The following GALNT11 variants were observed in gnomAD, a reference collection of about 807,000 sequenced individuals.
The protein encoded by GALNT11 is UDP-GalNAc:polypeptide N-acetylgalactosaminyltransferase 11.
In GALNT11, 47 loss-of-function variants were observed where a neutral mutation model predicts 72.7. That is an observed-to-expected ratio of 0.65 (90% CI 0.51 to 0.82). GALNT11 has a LOEUF of 0.82. Ranked by LOEUF, GALNT11 falls within the 40% of genes least tolerant of loss-of-function variation. The pLI is 0.00. For synonymous variants in GALNT11, 270 were observed against 286.6 expected, an observed-to-expected ratio of 0.94 and a Z score of 0.58; for missense variants, 677 against 778.4, an observed-to-expected ratio of 0.87 and a Z score of 1.55.
chr7:152,089,022 C>G (rs1472069211), intron 1 of GALNT11, among the ~76,000 whole-genome samples: 1 of 152,136 alleles, frequency 6.6e-6, no homozygotes, highest in African/African-American at 2.4e-5. Context: ...GCATTGCAGT[C>G]AAGAAAGAAC....
At chr7:152,032,140 A>G (rs899541186) in intron 1 of GALNT11, among the ~76,000 whole-genome samples, 2 of 152,220 alleles carry the variant, frequency 1.3e-5, no homozygotes, top group Admixed American at 6.5e-5. Context: ...CCGAACTGGT[A>G]GCCAAAAGTA....
At chr7:152,105,701 TTA>T (rs1446510353) in intron 5 of GALNT11, among the ~76,000 whole-genome samples, 1 of 152,240 alleles carries the variant, frequency 6.6e-6, no homozygotes, top group African/African-American at 2.4e-5. Flanking sequence ...AACTGAATTT[TTA>T]TGTTTTTAAA....
At chr7:152,047,103 G>A (rs545089961) in intron 1 of GALNT11, among the ~76,000 whole-genome samples, 2 of 152,314 alleles carry the variant, frequency 1.3e-5, no homozygotes, top group South Asian at 4.1e-4. Flanking sequence ...TTGGCCAGGT[G>A]CAGTGGCTCA....
chr7:152,028,168 C>T (rs1433988923), intron 1 of GALNT11, among the ~76,000 whole-genome samples: 2 of 152,218 alleles, frequency 1.3e-5, no homozygotes, highest in East Asian at 3.8e-4. Flanking sequence ...GGGACCCGAG[C>T]AGGTTGCCGC....
At chr7:152,112,614 T>G (rs552639065) in intron 7 of GALNT11, among the ~76,000 whole-genome samples, 1 of 152,130 alleles carries the variant, frequency 6.6e-6, no homozygotes, top group Non-Finnish European at 1.5e-5. Context: ...GTAATAGATT[T>G]TATTATGCTT....
At chr7:152,037,941 G>T (rs1156653816) in intron 1 of GALNT11, among the ~76,000 whole-genome samples, 1 of 151,920 alleles carries the variant, frequency 6.6e-6, no homozygotes, top group East Asian at 1.9e-4. Flanking sequence ...GCTAATTTTT[G>T]TAATTTTAGT....
chr7:152,072,314 C>CAAAAAAA (rs754741694), intron 1 of GALNT11, among the ~76,000 whole-genome samples: 5 of 62,188 alleles, frequency 8.0e-5, no homozygotes, highest in Admixed American at 1.8e-4. Context: ...GACTCCGTCT[C>CAAAAAAA]AAAAAAAAAA....
At chr7:152,035,637 G>A (rs2082536685) in intron 1 of GALNT11, among the ~76,000 whole-genome samples, 1 of 152,338 alleles carries the variant, frequency 6.6e-6, no homozygotes, top group Admixed American at 6.5e-5. Flanking sequence ...AGAGTCAGGG[G>A]TTGTTAGAGA....
chr7:152,101,634 C>CTT (rs145722687), intron 3 of GALNT11, among the ~76,000 whole-genome samples: 15 of 107,994 alleles, frequency 1.4e-4, no homozygotes, highest in African/African-American at 5.2e-4. Context: ...AAGTTCATGG[C>CTT]TTTTTTTTGG....
chr7:152,034,157 T>G lies in GALNT11; in HGVS notation c.-39+8273T>G, dbSNP rs533138871. Reference sequence around the variant, plus strand: ...GGGGTTTTTGTGGTTCTTTGGAGATTTCTTTGCTTATTTCCTTCTGGGCAG... The same window carrying G: ...GGGGTTTTTGTGGTTCTTTGGAGATGTCTTTGCTTATTTCCTTCTGGGCAG... On this transcript the variant is annotated intron_variant, in intron 1 of 11. Coordinates refer to ENST00000430044, the MANE Select transcript of GALNT11 (RefSeq NM_022087.4). 2.0e-5 allele frequency among the ~76,000 whole-genome samples: 3 copies of G among 152,272 alleles called. No individual in the cohort carries two copies. The South Asian group carries it at 6.2e-4, about 32-fold the overall frequency.
intron 1 of GALNT11, among the ~76,000 whole-genome samples, chr7:152,026,211 T>C (rs2082005744): frequency 6.6e-6 from 1 of 152,188 alleles, no homozygotes; most frequent in Non-Finnish European, 1.5e-5. Flanking sequence ...GAAGTCCAGA[T>C]CAGTATTGTC....
intron 2 of GALNT11, among the ~76,000 whole-genome samples, chr7:152,097,920 A>G (rs2086500621): frequency 6.6e-6 from 1 of 152,224 alleles, no homozygotes; most frequent in Non-Finnish European, 1.5e-5. Flanking sequence ...TTCTGCAGCT[A>G]GATAATCATG....
chr7:152,092,318 T>C (rs1464011525), intron 1 of GALNT11, among the ~76,000 whole-genome samples: 3 of 152,232 alleles, frequency 2.0e-5, no homozygotes, highest in Non-Finnish European at 4.4e-5. Context: ...TTTCATTTGC[T>C]CTCATGGGCT....
intron 1 of GALNT11, among the ~76,000 whole-genome samples, chr7:152,045,890 A>G (rs1165884858): frequency 2.0e-5 from 3 of 151,586 alleles, no homozygotes; most frequent in Non-Finnish European, 4.4e-5. Context: ...TAGGTGGTTT[A>G]TTTGGAGTTT....
rs554081059 is a variant in GALNT11 at position 152,032,998 on chromosome 7, G to C, written c.-39+7114G>C. 3.9e-5 allele frequency among the ~76,000 whole-genome samples: 6 copies of C among 152,356 alleles called. No individual in the cohort carries two copies. In the East Asian group the frequency reaches 9.6e-4, roughly 24 times the overall value. On this transcript the variant is annotated intron_variant, in intron 1 of 11. Coordinates refer to ENST00000430044, the MANE Select transcript of GALNT11 (RefSeq NM_022087.4). The stretch of plus-strand genomic sequence containing the variant: ...GTCCGGGACAGGAGATTAACACTGA[G>C]AAGGCCACGCCAGTGTCCAGGAGGA...
intron 1 of GALNT11, among the ~76,000 whole-genome samples, chr7:152,047,716 A>G (rs769063202): frequency 6.7e-6 from 1 of 148,462 alleles, no homozygotes; most frequent in Non-Finnish European, 1.5e-5. Context: ...GTGTGCGCAC[A>G]CACACAAGTA....
rs1252917533 is a variant in GALNT11, at chr7:152,108,286, A to C, written c.961A>C (p.Lys321Gln). 1 of 1,601,028 alleles carries C rather than the reference A, an allele frequency of 6.2e-7. No individual in the cohort carries two copies. The highest frequency in any genetic ancestry group is 1.3e-5 in the African/African-American group (1 of 74,798). Residue 321 changes from lysine to glutamine, a missense_variant and splice_region_variant, in exon 6 of 12, where the codon AAG (lysine) becomes CAG (glutamine). Coordinates refer to ENST00000430044, the MANE Select transcript of GALNT11 (RefSeq NM_022087.4). ...GRAEGATAPI[K>Q]SPTMAGGLFA... ...AGCGGAGGGAGCCACTGCACCAATA[A>C]AGTAAGATCGCTCCTTTGTTTGACA...
intron 1 of GALNT11, among the ~76,000 whole-genome samples, chr7:152,037,923 C>G (rs1369970469): frequency 6.6e-6 from 1 of 152,004 alleles, no homozygotes; most frequent in African/African-American, 2.4e-5. Context: ...TGCCCACCAC[C>G]ACACCCGGCT....
intron 11 of GALNT11, among the ~76,000 whole-genome samples, 179 bp from the exon 12 acceptor site, chr7:152,121,367 C>T (rs576643220): frequency 7.2e-5 from 11 of 152,288 alleles, no homozygotes; most frequent in Admixed American, 2.6e-4. Context: ...ATTGTGATTG[C>T]GGTCAGAAAA....
Sources: gnomAD v4.1 joint callset for allele counts (sites outside exome capture counted in the v4.1 genomes callset) on GRCh38, gnomAD v4.1.1 for gene constraint, MANE v1.5 for transcripts, NCBI Gene and HGNC (gene_info 2026-07-23, HGNC 2026-07-21) for gene names.